SPECC1: variants seen among roughly 807,000 people sequenced by gnomAD.
SPECC1 encodes the protein sperm antigen with calponin homology and coiled-coil domains 1, also known as cytospin-B.
SPECC1 carries 62 observed loss-of-function variants against 104.1 expected under a neutral mutation model. The observed-to-expected ratio is 0.60, with a 90% CI of 0.49 to 0.74. SPECC1 has a LOEUF of 0.74. Among genes scored for constraint, SPECC1 ranks in the 30% least tolerant of loss-of-function variants. The pLI is 0.00. For synonymous variants in SPECC1, 513 were observed against 501.6 expected (o/e 1.02, Z -0.30); for missense variants, 1,306 against 1,310.5 (o/e 1.00, Z 0.05).
chr17:20,097,403 A>C (rs969722918), intron 2 of SPECC1, among the ~76,000 whole-genome samples: 1 of 152,232 alleles, frequency 6.6e-6, no homozygotes, highest in African/African-American at 2.4e-5. Flanking sequence ...CACCTACCTC[A>C]TGCAATACTT....
intron 3 of SPECC1, among the ~76,000 whole-genome samples, chr17:20,187,275 C>A (rs190372676): frequency 6.6e-6 from 1 of 152,310 alleles, no homozygotes; most frequent in East Asian, 1.9e-4. Flanking sequence ...TTTTGGTTGA[C>A]TTCCCAGCAT....
At chr17:20,179,632 T>G (rs902480895) in intron 3 of SPECC1, among the ~76,000 whole-genome samples, 1 of 152,214 alleles carries the variant, frequency 6.6e-6, no homozygotes, top group African/African-American at 2.4e-5. Flanking sequence ...TGCCCAGATA[T>G]AATTCAGCGA....
intron 13 of SPECC1, 57 bp from the exon 14 acceptor site, chr17:20,305,966 G>T (rs2041749508): frequency 6.7e-7 from 1 of 1,500,696 alleles, no homozygotes; most frequent in Non-Finnish European, 9.3e-7. Flanking sequence ...ATTCTTTCCT[G>T]GCAAAAGCTA....
chr17:20,218,205 ATGACTTTCAT>A (rs1408295537), intron 4 of SPECC1, among the ~76,000 whole-genome samples: 8 of 152,190 alleles, frequency 5.3e-5, no homozygotes, highest in Non-Finnish European at 8.8e-5. Context: ...GAGAGAAAGA[ATGACTTTCAT>A]TGACTTTTAC....
rs183192314 is a variant in SPECC1 at position 20,305,981 on chromosome 17, T to C, written c.3058-42T>C. 83 of 1,574,914 alleles carry C rather than the reference T, an allele frequency of 5.3e-5. No homozygotes were observed. In the African/African-American group the frequency reaches 8.9e-4, roughly 17 times the overall value. On this transcript the variant is annotated intron_variant, in intron 13 of 14. Transcript: ENST00000395527. ...ATTCTTTCCTGGCAAAAGCTATATA[T>C]TTTAAATTACTGATTCCAGTCTCTT...
Position 20,279,305 on chromosome 17 carries a change from CTTTCTTTTTTTTTT to C in SPECC1, c.2941-17638_2941-17625del, listed in dbSNP as rs770607265. ...GTTAACGGAGTTGAAGGTTACTTTTCTTTCTTTTTTTTTTTTTCTTTTTTTTTTTTTTCTGAGAT... is the reference window on the plus strand; with the variant it reads ...GTTAACGGAGTTGAAGGTTACTTTTCTTTCTTTTTTTTTTTTTTCTGAGAT... On this transcript the variant is annotated intron_variant, in intron 12 of 14. Transcript: ENST00000395527. Among the ~76,000 whole-genome samples, 167 of 140,284 alleles carry C rather than the reference CTTTCTTTTTTTTTT, an allele frequency of 1.2e-3. 1 individual carries two copies. The highest frequency in any genetic ancestry group is 3.7e-3 in the East Asian group (18 of 4,890). The allele number at this position is 140,284 out of a possible 152,430, so 92.0% of individuals were successfully genotyped here. A position where few individuals can be genotyped will look rare whatever the true frequency, so the allele number is the denominator to read the frequency against.
At chr17:20,147,261 G>C (rs995577629) in intron 3 of SPECC1, among the ~76,000 whole-genome samples, 9 of 152,090 alleles carry the variant, frequency 5.9e-5, no homozygotes, top group African/African-American at 1.4e-4. Flanking sequence ...AGTAAAGACA[G>C]GGTTTCTCCA....
chr17:20,264,397 C>A (rs2040141388), intron 12 of SPECC1, among the ~76,000 whole-genome samples: 1 of 151,130 alleles, frequency 6.6e-6, no homozygotes, highest in Admixed American at 6.6e-5. Context: ...TCCCTTCCTC[C>A]CTTGTCTAGT....
chr17:20,195,715 AC>A (rs776861780), intron 3 of SPECC1, among the ~76,000 whole-genome samples: 8 of 151,980 alleles, frequency 5.3e-5, no homozygotes, highest in Non-Finnish European at 7.4e-5. Context: ...CAGCCACCAC[AC>A]CCGGCTAATT....
chr17:20,168,780 T>C (rs998673109), intron 3 of SPECC1, among the ~76,000 whole-genome samples: 6 of 152,254 alleles, frequency 3.9e-5, no homozygotes, highest in African/African-American at 1.4e-4. Context: ...TGTGCTTGTA[T>C]GCTTGAATGA....
intron 3 of SPECC1, among the ~76,000 whole-genome samples, chr17:20,157,426 C>G (rs1477129500): frequency 4.6e-5 from 7 of 151,874 alleles, no homozygotes; most frequent in African/African-American, 1.7e-4. Flanking sequence ...ATTTTTTGGG[C>G]AGAATAACCA....
chr17:20,289,895 A>G (rs771794774), intron 12 of SPECC1, among the ~76,000 whole-genome samples: 1 of 152,222 alleles, frequency 6.6e-6, no homozygotes, highest in Non-Finnish European at 1.5e-5. Flanking sequence ...TGCCAACGTC[A>G]GCAATAAAAA....
chr17:20,110,942 A>C (rs533793709), intron 3 of SPECC1, among the ~76,000 whole-genome samples: 122 of 152,176 alleles, frequency 8.0e-4, no homozygotes, highest in Middle Eastern at 3.4e-3. Context: ...GTGGGTGTCT[A>C]ATATTTGTAC....
At chr17:20,162,350 G>A (rs918582317) in intron 3 of SPECC1, among the ~76,000 whole-genome samples, 15 of 151,150 alleles carry the variant, frequency 9.9e-5, no homozygotes, top group Admixed American at 5.3e-4. Context: ...GTTTCACCGC[G>A]TTAGCCAGGC....
chr17:20,154,459 T>G (rs1244744162), intron 3 of SPECC1, among the ~76,000 whole-genome samples: 1 of 152,128 alleles, frequency 6.6e-6, no homozygotes, highest in Non-Finnish European at 1.5e-5. Context: ...GCAAAGGCCC[T>G]GAGATGGGAA....
intron 13 of SPECC1, among the ~76,000 whole-genome samples, chr17:20,298,357 A>G (rs980510669): frequency 1.3e-5 from 2 of 152,102 alleles, no homozygotes; most frequent in African/African-American, 4.8e-5. Flanking sequence ...ACAAACTGGC[A>G]TTGGAAGGTA....
At chr17:20,199,814 G>A (rs1467701805) in intron 3 of SPECC1, among the ~76,000 whole-genome samples, 5 of 152,036 alleles carry the variant, frequency 3.3e-5, no homozygotes, top group African/African-American at 9.7e-5. Flanking sequence ...TTTTGAGACA[G>A]AGTCTCGCTC....
chr17:20,144,256 C>T (rs559552822), intron 3 of SPECC1, among the ~76,000 whole-genome samples: 2 of 142,396 alleles, frequency 1.4e-5, no homozygotes, highest in Non-Finnish European at 3.0e-5. Context: ...GCGATCACAG[C>T]TCACTGCTGC....
At chr17:20,125,687 G>A (rs1217306760) in intron 3 of SPECC1, among the ~76,000 whole-genome samples, 2 of 152,206 alleles carry the variant, frequency 1.3e-5, no homozygotes, top group African/African-American at 4.8e-5. Flanking sequence ...TCCACAATGG[G>A]ACATGTGTCA....
Sources: allele counts gnomAD v4.1 joint callset (sites outside exome capture counted in the v4.1 genomes callset), GRCh38; gene constraint gnomAD v4.1.1; transcripts MANE v1.5; gene names NCBI Gene and HGNC (gene_info 2026-07-23, HGNC 2026-07-21).